The following AP1S3 variants were observed in gnomAD, a reference collection of about 807,000 sequenced individuals.
AP1S3 encodes AP-1 complex subunit sigma-3.
Under a neutral mutation model 20.9 loss-of-function variants are expected in AP1S3, and 10 were observed. That is an observed-to-expected ratio of 0.48 (90% CI 0.29 to 0.81). AP1S3 has a LOEUF of 0.81. AP1S3 is among the 30% of genes least tolerant of loss of function. The pLI, the probability that AP1S3 is intolerant of heterozygous loss-of-function variation, is 0.08. For missense variants in AP1S3, 154 were observed against 183.8 expected, an observed-to-expected ratio of 0.84 and a Z score of 0.94; for synonymous variants, 41 against 61.5, an observed-to-expected ratio of 0.67 and a Z score of 1.56.
rs1251741043 is a variant in AP1S3, at chr2:223,805,921, C to A, written c.4-28052G>T. Reference sequence around the variant, plus strand: ...ATACCAGAAACCTCCATTCCTAACACTAATTGGCCAACTGCAGAAGCAAAA... The same window carrying A: ...ATACCAGAAACCTCCATTCCTAACAATAATTGGCCAACTGCAGAAGCAAAA... On this transcript the variant is annotated intron_variant, in intron 1 of 4. Coordinates refer to ENST00000396654, the MANE Select transcript of AP1S3 (RefSeq NM_001039569.2). 2.6e-5 allele frequency among the ~76,000 whole-genome samples: 4 copies of A among 152,272 alleles called. No homozygotes were observed. In the East Asian group the frequency reaches 7.7e-4, roughly 29 times the overall value.
intron 3 of AP1S3, among the ~76,000 whole-genome samples, chr2:223,770,852 C>T (rs1262602957): frequency 6.6e-6 from 1 of 151,522 alleles, no homozygotes; most frequent in Admixed American, 6.6e-5. Context: ...CTCAGCCTCC[C>T]AAGTAGCTGC....
chr2:223,789,835 CAAA>C (rs35429659), intron 1 of AP1S3, among the ~76,000 whole-genome samples: 6 of 120,820 alleles, frequency 5.0e-5, no homozygotes, highest in East Asian at 2.5e-4. Flanking sequence ...AAGACTCTAT[CAAA>C]AAAAAAAAAA....
chr2:223,767,047 T>C (rs1690502093), intron 3 of AP1S3, among the ~76,000 whole-genome samples: 1 of 146,670 alleles, frequency 6.8e-6, no homozygotes, highest in Non-Finnish European at 1.5e-5. Flanking sequence ...CACACCGGAG[T>C]GTGTTGGGGG....
intron 1 of AP1S3, among the ~76,000 whole-genome samples, chr2:223,802,607 G>T (rs1691495666): frequency 6.6e-6 from 1 of 151,926 alleles, no homozygotes; most frequent in Non-Finnish European, 1.5e-5. Context: ...TCCTGGCCAA[G>T]AGCTCTTAAA....
chr2:223,765,205 G>A lies in AP1S3; in HGVS notation c.429+8C>T, dbSNP rs373484762. On this transcript the variant is annotated splice_region_variant and intron_variant, in intron 4 of 4. Transcript: ENST00000396654. The stretch of plus-strand genomic sequence containing the variant: ...TCTTTCTCCCATGGTTTGGGAAACC[G>A]TACTGACCTCCTGTAACATATCAGA... 1.9e-5 allele frequency: 30 copies of A among 1,611,828 alleles called. No homozygotes were observed. The highest frequency in any genetic ancestry group is 1.5e-4 in the Admixed American group (9 of 59,402).
At position 223,784,280 on chromosome 2, in the gene AP1S3, A is replaced by C. The variant is rs138250583; in HGVS notation, c.4-6411T>G. Among the ~76,000 whole-genome samples, 653 of 151,874 alleles carry C rather than the reference A, an allele frequency of 4.3e-3. 4 individuals carry two copies. Among genetic ancestry groups the C allele is most frequent in the Non-Finnish European group, 8.0e-3 (543 of 67,960 alleles). ...TCCCCCACGTGGGTCATTTCATATCACCACCATGCCCCCATATTCCCAGTC... is the reference window on the plus strand; with the variant it reads ...TCCCCCACGTGGGTCATTTCATATCCCCACCATGCCCCCATATTCCCAGTC... On this transcript the variant is annotated intron_variant, in intron 1 of 4. Transcript: ENST00000396654.
At chr2:223,769,452 A>G (rs1016819237) in intron 3 of AP1S3, among the ~76,000 whole-genome samples, 15 of 152,322 alleles carry the variant, frequency 9.8e-5, no homozygotes, top group Non-Finnish European at 1.8e-4. Flanking sequence ...GAGACTGTAC[A>G]TCTTATTAGA....
intron 1 of AP1S3, among the ~76,000 whole-genome samples, chr2:223,779,301 TG>T (rs1187913980): frequency 6.6e-6 from 1 of 152,182 alleles, no homozygotes; most frequent in Non-Finnish European, 1.5e-5. Context: ...CCCAGCACTT[TG>T]GGAGGCCAAG....
chr2:223,783,413 C>T (rs1227245937), intron 1 of AP1S3, among the ~76,000 whole-genome samples: 1 of 152,220 alleles, frequency 6.6e-6, no homozygotes, highest in Middle Eastern at 3.2e-3. Flanking sequence ...TTCCAGCTTT[C>T]TTTGTCCTCA....
chr2:223,789,388 T>C (rs1307404753), intron 1 of AP1S3, among the ~76,000 whole-genome samples: 1 of 152,038 alleles, frequency 6.6e-6, no homozygotes, highest in African/African-American at 2.4e-5. Flanking sequence ...AAAAAATAGA[T>C]GTAAGCTGGG....
At chr2:223,772,667 ATAACT>A (rs1003958436) in intron 3 of AP1S3, among the ~76,000 whole-genome samples, 11 of 152,272 alleles carry the variant, frequency 7.2e-5, no homozygotes, top group South Asian at 2.1e-4. Context: ...AAAAAAATAC[ATAACT>A]TAAATTAGTA....
At chr2:223,781,366 A>T (rs191199554) in intron 1 of AP1S3, among the ~76,000 whole-genome samples, 7 of 152,152 alleles carry the variant, frequency 4.6e-5, no homozygotes, top group African/African-American at 1.7e-4. Flanking sequence ...TTTAAAAAAA[A>T]TCACCTTCAG....
chr2:223,784,769 T>C (rs1691035622), intron 1 of AP1S3, among the ~76,000 whole-genome samples: 1 of 151,884 alleles, frequency 6.6e-6, no homozygotes, highest in South Asian at 2.1e-4. Context: ...GAGTCCGAGG[T>C]GGGAAGATCA....
At chr2:223,784,154 G>A (rs1432041465) in intron 1 of AP1S3, among the ~76,000 whole-genome samples, 2 of 152,012 alleles carry the variant, frequency 1.3e-5, no homozygotes, top group Non-Finnish European at 2.9e-5. Flanking sequence ...TGGTGCCACC[G>A]TTAAGGTCTG....
At chr2:223,766,486 A>C (rs1690485163) in intron 3 of AP1S3, among the ~76,000 whole-genome samples, 1 of 152,212 alleles carries the variant, frequency 6.6e-6, no homozygotes, top group Non-Finnish European at 1.5e-5. Flanking sequence ...GAAAAATGCA[A>C]ATCAAAAACT....
intron 3 of AP1S3, among the ~76,000 whole-genome samples, chr2:223,772,504 T>A (rs905160298): frequency 2.0e-5 from 3 of 152,240 alleles, no homozygotes; most frequent in Non-Finnish European, 2.9e-5. Flanking sequence ...TGCAGAAATA[T>A]GGCAGGTATC....
At position 223,777,684 on chromosome 2, in the gene AP1S3, C is replaced by T. The variant is rs1690819691; in HGVS notation, c.182+7G>A. On this transcript the variant is annotated splice_region_variant and intron_variant, in intron 2 of 4. Transcript: ENST00000396654. ...GAGAAATTGAGCTCTCAAAAAGTTA[C>T]TCACACCTTTTATAAACAAGTTTTA... 2.5e-6 allele frequency: 4 copies of T among 1,610,736 alleles called. No individual in the cohort carries two copies. Among genetic ancestry groups the T allele is most frequent in the Non-Finnish European group, 3.4e-6 (4 of 1,178,738 alleles).
chr2:223,785,036 T>C (rs1262436232), intron 1 of AP1S3, among the ~76,000 whole-genome samples: 1 of 152,072 alleles, frequency 6.6e-6, no homozygotes, highest in East Asian at 1.9e-4. Flanking sequence ...TAAGAATGCT[T>C]ATGATACAAT....
chr2:223,795,328 T>C (rs1691310277), intron 1 of AP1S3, among the ~76,000 whole-genome samples: 1 of 152,254 alleles, frequency 6.6e-6, no homozygotes, highest in Admixed American at 6.5e-5. Flanking sequence ...GTATAGATTT[T>C]ACCAGCATGC....
Sources: allele counts gnomAD v4.1 joint callset (sites outside exome capture counted in the v4.1 genomes callset), GRCh38; gene constraint gnomAD v4.1.1; transcripts MANE v1.5; gene names NCBI Gene and HGNC (gene_info 2026-07-23, HGNC 2026-07-21).